Variants in ZNF121 observed in about 807,000 individuals in gnomAD.
ZNF121 encodes zinc finger protein 121.
Under a neutral mutation model 2.4 loss-of-function variants are expected in ZNF121, and 1 was observed. The observed-to-expected ratio is 0.41, with a 90% CI of 0.15 to 1.94. The LOEUF (loss-of-function observed/expected upper bound fraction) is 1.94. Ranked by LOEUF, ZNF121 falls within the 30% of genes most tolerant of loss-of-function variation. ZNF121 has a pLI of 0.30. For missense variants in ZNF121, 369 were observed against 466.3 expected (o/e 0.79, Z 1.92); for synonymous variants, 173 against 158.6 (o/e 1.09, Z -0.68).
Position 9,560,487 on chromosome 19 carries a change from GAAC to G in ZNF121, c.*5450_*5452del, listed in dbSNP as rs1430816327. On this transcript the variant is annotated 3_prime_UTR_variant, in exon 4 of 4. Coordinates refer to ENST00000320451, the MANE Select transcript of ZNF121 (RefSeq NM_001008727.5). ...GCGTGGCTGACACTCAATACCCATT[GAAC>G]AACTCATTTTCTCCTCCACCAGCTT... is the stretch of plus-strand genomic sequence containing the variant. 6.6e-6 allele frequency: 1 copy of G among 152,076 alleles called. No homozygotes were observed. The highest frequency in any genetic ancestry group is 1.5e-5 in the Non-Finnish European group (1 of 68,022). 9.4% of individuals were successfully genotyped at this position (152,076 alleles called of 1,614,324 possible).
chr19:9,584,211 G>A (rs567930131), intron 1 of ZNF121: 9 of 152,368 alleles, frequency 5.9e-5, no homozygotes, highest in Non-Finnish European at 1.2e-4. Flanking sequence ...AGCTTTTGAA[G>A]AAGGGAGCAC....
At chr19:9,568,692 C>T (rs2074152157) in intron 2 of ZNF121, among the ~76,000 whole-genome samples, 1 of 151,930 alleles carries the variant, frequency 6.6e-6, no homozygotes, top group South Asian at 2.1e-4. Flanking sequence ...ATTTTTTAAA[C>T]AATTTATTCT....
rs534864583 is a variant in ZNF121, at chr19:9,564,283, T to C, written c.*1657A>G. The C allele has an allele frequency of 2.0e-5, 3 of 152,330 alleles. No homozygotes were observed. The highest frequency in any genetic ancestry group is 3.9e-4 in the East Asian group (2 of 5,174). The allele number at this position is 152,330 out of a possible 1,614,324, so 9.4% of individuals were successfully genotyped here. ...CAGGAGGCATAGGAAGGAGGATCAC[T>C]TGAGGCCAGGAGTTCAAGGCTACAG... On this transcript the variant is annotated 3_prime_UTR_variant, in exon 4 of 4. Transcript: ENST00000320451.
In ZNF121 at chr19:9,562,479, A is replaced by G; in HGVS notation, c.*3461T>C. ...GTGCCCGGCTGCTCTGTGATCTTTG[A>G]TGTTCCTATTTTAATTGTTTTGGGG... On this transcript the variant is annotated 3_prime_UTR_variant, in exon 4 of 4. Transcript: ENST00000320451. 1 of 220,834 alleles carries G rather than the reference A, an allele frequency of 4.5e-6. No individual in the cohort carries two copies. The highest frequency in any genetic ancestry group is 1.0e-5 in the Non-Finnish European group (1 of 99,578). The allele number at this position is 220,834 out of a possible 1,614,324, so 13.7% of individuals were successfully genotyped here. A position where few individuals can be genotyped will look rare whatever the true frequency, so the allele number is the denominator to read the frequency against.
At chr19:9,567,190 TATTATG>T (rs1356564266) in intron 3 of ZNF121, 81 bp from the exon 4 acceptor site, 204 of 1,279,834 alleles carry the variant, frequency 1.6e-4, no homozygotes, top group Admixed American at 1.6e-4. Context: ...TCAGACAGTT[TATTATG>T]ATTATAATTT....
intron 1 of ZNF121, among the ~76,000 whole-genome samples, chr19:9,576,161 C>A (rs2074208625): frequency 6.6e-6 from 1 of 152,086 alleles, no homozygotes; most frequent in Admixed American, 6.6e-5. Flanking sequence ...TCTTTTCTGA[C>A]CACAAGGGAA....
rs1302270681 is a variant in ZNF121, at chr19:9,565,882, A to G, written c.*58T>C. The G allele has an allele frequency of 4.5e-6, 6 of 1,333,398 alleles. No individual in the cohort carries two copies. The highest frequency in any genetic ancestry group is 5.1e-6 in the Non-Finnish European group (5 of 988,626). The allele number at this position is 1,333,398 out of a possible 1,614,324, so 82.6% of individuals were successfully genotyped here. A position where few individuals can be genotyped will look rare whatever the true frequency, so the allele number is the denominator to read the frequency against. On this transcript the variant is annotated 3_prime_UTR_variant, in exon 4 of 4. Coordinates refer to ENST00000320451, the MANE Select transcript of ZNF121 (RefSeq NM_001008727.5). The stretch of plus-strand genomic sequence containing the variant: ...CTTCAGTGTGAATTCAAATGTGGTA[A>G]TTATGGTATGAGAAATTCCTAAAAG...
rs1031356314 is a variant in ZNF121 at position 9,564,466 on chromosome 19, AG to A, written c.*1473del. The A allele has an allele frequency of 3.9e-5, 6 of 152,204 alleles. No homozygotes were observed. The highest frequency in any genetic ancestry group is 1.4e-4 in the African/African-American group (6 of 41,456). 9.4% of individuals were successfully genotyped at this position (152,204 alleles called of 1,614,324 possible). ...ATTCCAACCTTCATAGGTGACTCTG[AG>A]GGGTTCAAGTCTTCAGTGGAAAAAG... On this transcript the variant is annotated 3_prime_UTR_variant, in exon 4 of 4. Transcript: ENST00000320451.
chr19:9,583,962 G>A (rs1220479085), intron 1 of ZNF121, among the ~76,000 whole-genome samples: 2 of 152,114 alleles, frequency 1.3e-5, no homozygotes, highest in African/African-American at 2.4e-5. Flanking sequence ...CCATCAGAAA[G>A]TAATGTGTCA....
Position 9,577,915 on chromosome 19 carries a change from G to A in ZNF121, c.-160+6546C>T, listed in dbSNP as rs147040632. Among the ~76,000 whole-genome samples, 168 of 151,734 alleles carry A rather than the reference G, an allele frequency of 1.1e-3. 1 individual carries two copies. Among genetic ancestry groups the A allele is most frequent in the African/African-American group, 3.9e-3 (161 of 41,386 alleles). ...TACAAAAATTAGCCAGCTGTGGGCC[G>A]GGCGTGGTGGCTCACGCCTGTAATC... On this transcript the variant is annotated intron_variant, in intron 1 of 3. Coordinates refer to ENST00000320451, the MANE Select transcript of ZNF121 (RefSeq NM_001008727.5).
chr19:9,570,154 C>T (rs956955335), intron 1 of ZNF121, among the ~76,000 whole-genome samples: 2 of 151,978 alleles, frequency 1.3e-5, no homozygotes, highest in African/African-American at 4.8e-5. Context: ...TGCAGTGAGC[C>T]GAGATCATGC....
Position 9,566,329 on chromosome 19 carries a change from C to T in ZNF121, c.784G>A (p.Gly262Arg). 1 of 1,613,942 alleles carries T rather than the reference C, an allele frequency of 6.2e-7. No individual in the cohort carries two copies. Among genetic ancestry groups the T allele is most frequent in the Non-Finnish European group, 8.5e-7 (1 of 1,179,958 alleles). ...CATGAAGAGCTTCTGAAGGATTTTCCACATACCTTACATTCAAAGGGCTTC... is the reference window on the plus strand; with the variant it reads ...CATGAAGAGCTTCTGAAGGATTTTCTACATACCTTACATTCAAAGGGCTTC... ...EEKPFECKVC[G>R]KSFRSSSCLK... The change falls in exon 4 of 4, where the codon GGA becomes AGA. Residue 262 changes from glycine to arginine, a missense_variant. Around this residue, in one of 4 missense-constraint regions of ZNF121, gnomAD observed 127 missense variants for 169.9 expected, o/e 0.75. Transcript: ENST00000320451.
chr19:9,566,006 T>C lies in ZNF121; in HGVS notation c.1107A>G (p.Ile369Met). The C allele has an allele frequency of 1.2e-6, 2 of 1,612,748 alleles. No homozygotes were observed. Among genetic ancestry groups the C allele is most frequent in the Non-Finnish European group, 1.7e-6 (2 of 1,179,506 alleles). The change falls in exon 4 of 4, where the codon ATA (isoleucine) becomes ATG (methionine). Residue 369 changes from isoleucine (I) to methionine (M), a missense_variant. Physicochemically the swap from Ile to Met is conservative, Grantham distance 10. Coordinates refer to ENST00000320451, the MANE Select transcript of ZNF121 (RefSeq NM_001008727.5). ...TGTAGGCTTTCCCACATTCGTTACA[T>C]ATATAGGGTTTCTCTCCAGTGTGAA... ...VRIHTGEKPY[I>M]CNECGKAYNR...
chr19:9,580,361 A>G (rs2074240332), intron 1 of ZNF121, among the ~76,000 whole-genome samples: 1 of 152,072 alleles, frequency 6.6e-6, no homozygotes, highest in African/African-American at 2.4e-5. Flanking sequence ...TTCCCTACAA[A>G]AAGACATTCC....
chr19:9,572,231 T>G (rs544935662), intron 1 of ZNF121, among the ~76,000 whole-genome samples: 12 of 152,190 alleles, frequency 7.9e-5, no homozygotes, highest in Admixed American at 7.9e-4. Flanking sequence ...AATTAGGCAG[T>G]TTCTGGGGCT....
chr19:9,566,973 T>G lies in ZNF121; in HGVS notation c.140A>C (p.Asn47Thr), dbSNP rs1410383310. The change falls in exon 4 of 4, where the codon AAC becomes ACC. Residue 47 changes from asparagine (N) to threonine (T), a missense_variant. Physicochemically the swap from Asn to Thr is moderately conservative, Grantham distance 65. This residue lies in a region of ZNF121 where 168 missense variants were observed against 162.3 expected (regional missense o/e 1.03). Coordinates refer to ENST00000320451, the MANE Select transcript of ZNF121 (RefSeq NM_001008727.5). ...DTYDCDEYGENFPMLHNSAPA... is the reference protein window; with the variant it reads ...DTYDCDEYGETFPMLHNSAPA... ...GGCACTGTTGTGTAACATGGGAAAG[T>G]TTTCTCCATACTCATCACAGTCATA... The G allele has an allele frequency of 1.2e-6, 2 of 1,614,048 alleles. No individual in the cohort carries two copies. The highest frequency in any genetic ancestry group is 8.5e-7 in the Non-Finnish European group (1 of 1,180,046).
intron 1 of ZNF121, among the ~76,000 whole-genome samples, chr19:9,579,018 C>T (rs1054532169): frequency 4.7e-5 from 7 of 147,646 alleles, no homozygotes; most frequent in African/African-American, 1.7e-4. Flanking sequence ...AAAAAATTGG[C>T]CAAAGGTCAG....
chr19:9,584,405 A>G (rs1320398308), intron 1 of ZNF121, 56 bp downstream of exon 1: 1 of 152,222 alleles, frequency 6.6e-6, no homozygotes, highest in African/African-American at 2.4e-5. Context: ...ACAGCACCCA[A>G]TCGTTCCTTT....
At chr19:9,568,500 G>A (rs144936701) in intron 2 of ZNF121, among the ~76,000 whole-genome samples, 4,184 of 151,576 alleles carry the variant, frequency 0.028, 187 homozygotes, top group African/African-American at 0.096. Flanking sequence ...CTCAGCCTCC[G>A]AGTAGCTTGG....
Sources: gnomAD v4.1 joint callset for allele counts (sites outside exome capture counted in the v4.1 genomes callset) on GRCh38, gnomAD v4.1.1 for gene constraint, gnomAD v4.1.1 regional missense constraint, MANE v1.5 for transcripts, NCBI Gene and HGNC (gene_info 2026-07-23, HGNC 2026-07-21) for gene names.